The following STIMATE variants were observed in gnomAD, a reference collection of about 807,000 sequenced individuals.
The protein encoded by STIMATE is STIM activating enhancer, also known as store-operated calcium entry regulator STIMATE.
A neutral mutation model predicts 36.7 loss-of-function variants in STIMATE; 15 were observed. The ratio of observed to expected loss-of-function variants is 0.41; its 90% CI spans 0.27 to 0.63. STIMATE has a LOEUF of 0.63. Among genes scored for constraint, STIMATE ranks in the 20% least tolerant of loss-of-function variants. The pLI is 0.32. For synonymous variants in STIMATE, 163 were observed against 162.3 expected (o/e 1.00, Z -0.03); for missense variants, 305 against 397.3 (o/e 0.77, Z 1.98).
chr3:52,846,412 T>C (rs1700902726), intron 4 of STIMATE: 1 of 152,180 alleles, frequency 6.6e-6, no homozygotes, highest in Admixed American at 6.5e-5. Context: ...AGTAATTAAG[T>C]AGGTTTGAGG....
intron 1 of STIMATE, 58 bp downstream of exon 1, chr3:52,897,233 G>A: frequency 6.6e-7 from 1 of 1,516,314 alleles, no homozygotes; most frequent in Non-Finnish European, 8.8e-7. Context: ...GCCCCCAGGG[G>A]GGCCGGGCCG....
At chr3:52,855,332 C>A in intron 2 of STIMATE, 64 bp downstream of exon 2, 1 of 1,573,322 alleles carries the variant, frequency 6.4e-7, no homozygotes, top group East Asian at 2.3e-5. Context: ...TACCCCACCC[C>A]CAGCCCCAAG....
intron 3 of STIMATE, 82 bp downstream of exon 3, chr3:52,852,521 G>A: frequency 6.4e-7 from 1 of 1,563,198 alleles, no homozygotes; most frequent in Non-Finnish European, 8.8e-7. Context: ...AGAGGGAGCA[G>A]GACCAGCAGC....
chr3:52,847,133 C>T (rs1700921852), intron 4 of STIMATE: 2 of 790,648 alleles, frequency 2.5e-6, no homozygotes, highest in East Asian at 1.2e-4. Context: ...TGGTCTTAAG[C>T]TCCTGGGCTC....
At chr3:52,876,844 G>T (rs1461130487) in intron 1 of STIMATE, among the ~76,000 whole-genome samples, 2 of 152,216 alleles carry the variant, frequency 1.3e-5, no homozygotes, top group African/African-American at 4.8e-5. Context: ...GGAGTCAGAA[G>T]TTATATGCGG....
In STIMATE at chr3:52,837,296, C is replaced by T. The variant is rs1327710168; in HGVS notation, c.*3198G>A. The T allele has an allele frequency of 6.6e-6, 1 of 152,462 alleles. No homozygotes were observed. Among genetic ancestry groups the T allele is most frequent in the Non-Finnish European group, 1.5e-5 (1 of 68,220 alleles). The allele number at this position is 152,462 out of a possible 1,614,324, so 9.4% of individuals were successfully genotyped here. On this transcript the variant is annotated 3_prime_UTR_variant, in exon 8 of 8. Coordinates refer to ENST00000355083, the MANE Select transcript of STIMATE (RefSeq NM_198563.5). ...TTTGGACATAAACTTGGGGCTGCAC[C>T]CTACAGGCTTACACTGTCTAAGGGA...
In STIMATE at chr3:52,891,227, A is replaced by AG. The variant is rs1170659871; in HGVS notation, c.160+6063_160+6064insC. ...TGGAAAAAGCCGGCAGGCACAGAGG[A>AG]AGTGGCTCAGGGTGTCTGGGGTCCC... On this transcript the variant is annotated intron_variant, in intron 1 of 7. Coordinates refer to ENST00000355083, the MANE Select transcript of STIMATE (RefSeq NM_198563.5). Among the ~76,000 whole-genome samples the AG allele has an allele frequency of 2.0e-5, 3 of 152,290 alleles. No homozygotes were observed. The East Asian group carries it at 5.8e-4, about 29-fold the overall frequency.
intron 4 of STIMATE, among the ~76,000 whole-genome samples, chr3:52,845,325 G>A (rs570605957): frequency 2.0e-5 from 3 of 152,318 alleles, no homozygotes; most frequent in African/African-American, 4.8e-5. Context: ...CAGTGACAGC[G>A]GGGCTGCCCC....
intron 1 of STIMATE, among the ~76,000 whole-genome samples, chr3:52,856,096 G>T (rs904828418): frequency 4.6e-5 from 7 of 152,238 alleles, no homozygotes; most frequent in Non-Finnish European, 8.8e-5. Flanking sequence ...TTGGCAAATG[G>T]ATCAGGGAGG....
intron 1 of STIMATE, among the ~76,000 whole-genome samples, chr3:52,861,100 C>T (rs1441768075): frequency 1.3e-5 from 2 of 152,182 alleles, no homozygotes; most frequent in East Asian, 1.9e-4. Context: ...GCATAAGCCA[C>T]CCTTTCTAAC....
At chr3:52,850,170 C>T (rs1205425063) in intron 3 of STIMATE, among the ~76,000 whole-genome samples, 2 of 152,168 alleles carry the variant, frequency 1.3e-5, no homozygotes, top group Non-Finnish European at 2.9e-5. Flanking sequence ...CGGTGGCTCA[C>T]GCCTCTAATC....
At chr3:52,847,477 G>T in intron 4 of STIMATE, 1 of 1,289,434 alleles carries the variant, frequency 7.8e-7, no homozygotes, top group Non-Finnish European at 1.0e-6. Context: ...CCTGGATCTG[G>T]TCTCAACCGC....
intron 1 of STIMATE, among the ~76,000 whole-genome samples, chr3:52,871,901 G>A (rs6797399): frequency 0.24 from 37,060 of 151,954 alleles, 4,832 homozygotes; most frequent in Admixed American, 0.37. Context: ...TCTGGCCAAC[G>A]TCCCATGTGA....
At chr3:52,875,839 G>T (rs374211205) in intron 1 of STIMATE, among the ~76,000 whole-genome samples, 26 of 152,270 alleles carry the variant, frequency 1.7e-4, no homozygotes, top group African/African-American at 5.3e-4. Flanking sequence ...CCCCAGCAGG[G>T]GTGGAGGGGC....
chr3:52,845,624 C>G (rs1410820536), intron 4 of STIMATE, among the ~76,000 whole-genome samples: 1 of 152,184 alleles, frequency 6.6e-6, no homozygotes, highest in Non-Finnish European at 1.5e-5. Context: ...TGACAAAGGT[C>G]CATCTGGGAC....
At chr3:52,879,794 G>A (rs1701571446) in intron 1 of STIMATE, among the ~76,000 whole-genome samples, 1 of 152,170 alleles carries the variant, frequency 6.6e-6, no homozygotes, top group African/African-American at 2.4e-5. Context: ...CAGAGTGCAT[G>A]GTAAGCACCC....
chr3:52,850,955 C>A (rs375564738), intron 3 of STIMATE, among the ~76,000 whole-genome samples: 18 of 152,286 alleles, frequency 1.2e-4, no homozygotes, highest in African/African-American at 4.3e-4. Context: ...TCTTGAACTC[C>A]CGGCCTCAAG....
chr3:52,889,273 C>A (rs528217491), intron 1 of STIMATE, among the ~76,000 whole-genome samples: 1 of 152,150 alleles, frequency 6.6e-6, no homozygotes, highest in African/African-American at 2.4e-5. Flanking sequence ...AAGCCCAACC[C>A]CTCCAAAGCC....
At chr3:52,872,421 G>T (rs1467121975) in intron 1 of STIMATE, among the ~76,000 whole-genome samples, 1 of 152,162 alleles carries the variant, frequency 6.6e-6, no homozygotes, top group African/African-American at 2.4e-5. Context: ...TCTGTGATGG[G>T]TTCTCCCAGA....
Sources: allele counts gnomAD v4.1 joint callset (sites outside exome capture counted in the v4.1 genomes callset), GRCh38; gene constraint gnomAD v4.1.1; transcripts MANE v1.5; gene names NCBI Gene and HGNC (gene_info 2026-07-23, HGNC 2026-07-21).